The following NCAPG variants were observed in gnomAD, a reference collection of about 807,000 sequenced individuals.
NCAPG encodes condensin complex subunit 3.
NCAPG carries 69 observed loss-of-function variants against 113.1 expected under a neutral mutation model. The ratio of observed to expected loss-of-function variants is 0.61; its 90% CI spans 0.50 to 0.75. The LOEUF (loss-of-function observed/expected upper bound fraction) is 0.75. Ranked by LOEUF, NCAPG falls within the 30% of genes least tolerant of loss-of-function variation. The pLI, the probability that NCAPG is intolerant of heterozygous loss-of-function variation, is 0.00. For synonymous variants in NCAPG, 370 were observed against 415.8 expected (o/e 0.89, Z 1.34); for missense variants, 1,058 against 1,177.0 (o/e 0.90, Z 1.48).
At chr4:17,833,516 A>G (rs572131080) in intron 13 of NCAPG, among the ~76,000 whole-genome samples, 90 of 148,558 alleles carry the variant, frequency 6.1e-4, no homozygotes, top group African/African-American at 2.2e-3. Flanking sequence ...GTTGTTATAT[A>G]TATCTTATTT....
At position 17,823,028 on chromosome 4, in the gene NCAPG, T is replaced by C. The variant is rs1173234084; in HGVS notation, c.1164T>C (p.Asp388=). 6.2e-7 allele frequency: 1 copy of C among 1,608,534 alleles called. No homozygotes were observed. Among genetic ancestry groups the C allele is most frequent in the Non-Finnish European group, 8.5e-7 (1 of 1,177,802 alleles). ...TTGTTAATGAAGAACACAGAGGTGA[T>C]TTTTCCTATATTGGAAATTTGATGA... The part of the protein sequence containing the change: ...IPVVNEEHRG[D]FSYIGNLMTK... Residue 388 remains aspartate, a synonymous_variant, in exon 8 of 21, where the codon GAT becomes GAC. Transcript: ENST00000251496.
At chr4:17,825,094 A>G (rs1416668271) in intron 10 of NCAPG, 37 bp downstream of exon 10, 1 of 1,478,518 alleles carries the variant, frequency 6.8e-7, no homozygotes, top group Non-Finnish European at 9.4e-7. Flanking sequence ...GCTTGAGTGT[A>G]ATGTAGCTGG....
At chr4:17,842,174 GCT>G (rs1722473790) in intron 19 of NCAPG, 134 bp from the exon 20 acceptor site, 9 of 648,142 alleles carry the variant, frequency 1.4e-5, no homozygotes, top group Admixed American at 2.8e-5. Context: ...TACCAAGATG[GCT>G]AGAACAAGTA....
At chr4:17,842,633 A>G (rs1722527005) in intron 20 of NCAPG, 1 of 356,288 alleles carries the variant, frequency 2.8e-6, no homozygotes, top group Non-Finnish European at 5.2e-6. Flanking sequence ...ATTTTTAATT[A>G]CATGATGTGA....
intron 12 of NCAPG, among the ~76,000 whole-genome samples, 165 bp downstream of exon 12, chr4:17,828,553 T>A (rs1217107058): frequency 6.6e-6 from 1 of 152,106 alleles, no homozygotes; most frequent in Non-Finnish European, 1.5e-5. Context: ...ATTGTGAGGA[T>A]TAAATAAGAT....
chr4:17,842,711 C>CTGAT (rs1722535018), intron 20 of NCAPG: 2 of 222,620 alleles, frequency 9.0e-6, no homozygotes, highest in Admixed American at 1.0e-4. Context: ...CACTTACATA[C>CTGAT]TGATAGAATA....
intron 11 of NCAPG, among the ~76,000 whole-genome samples, chr4:17,827,115 C>G (rs1232444644): frequency 3.9e-5 from 6 of 152,192 alleles, no homozygotes; most frequent in Non-Finnish European, 7.3e-5. Flanking sequence ...ACAGATGGAG[C>G]AACATCTGTG....
rs1352698030 is a variant in NCAPG at position 17,840,844 on chromosome 4, T to C, written c.2854+151T>C. The C allele has an allele frequency of 3.5e-5, 15 of 429,346 alleles. No individual in the cohort carries two copies. In the East Asian group the frequency reaches 5.5e-4, roughly 16 times the overall value. The allele number at this position is 429,346 out of a possible 1,614,324, so 26.6% of individuals were successfully genotyped here. A position where few individuals can be genotyped will look rare whatever the true frequency, so the allele number is the denominator to read the frequency against. ...TTGGTATCCTTTCTTTTTAATTCTTTCTGTGGATGTCAGTTTTTGCCTTGT... is the reference window on the plus strand; with the variant it reads ...TTGGTATCCTTTCTTTTTAATTCTTCCTGTGGATGTCAGTTTTTGCCTTGT... On this transcript the variant is annotated intron_variant, in intron 19 of 20. Coordinates refer to ENST00000251496, the MANE Select transcript of NCAPG (RefSeq NM_022346.5).
intron 12 of NCAPG, among the ~76,000 whole-genome samples, chr4:17,829,871 A>AAT (rs1274909503): frequency 6.6e-6 from 1 of 152,258 alleles, no homozygotes; most frequent in East Asian, 1.9e-4. Context: ...TTAAGTAAAG[A>AAT]AATAAGTGAA....
At chr4:17,814,134 T>C (rs1360648258) in intron 3 of NCAPG, among the ~76,000 whole-genome samples, 1 of 152,198 alleles carries the variant, frequency 6.6e-6, no homozygotes, top group Non-Finnish European at 1.5e-5. Flanking sequence ...AATGGGCCCT[T>C]ATAAAGCCAT....
chr4:17,837,131 T>G (rs748304610), intron 14 of NCAPG, 28 bp from the exon 15 acceptor site: 1 of 1,601,974 alleles, frequency 6.2e-7, no homozygotes, highest in Non-Finnish European at 8.5e-7. Flanking sequence ...ACAAATAAAT[T>G]TCTTCTAATG....
At position 17,812,904 on chromosome 4, in the gene NCAPG, G is replaced by A; in HGVS notation, c.316-13G>A. ...TGTGACTATGAATAAATTTTGATTT[G>A]TTTCTGTTTTAGTCTCATGAAGCAA... On this transcript the variant is annotated splice_polypyrimidine_tract_variant and intron_variant, in intron 2 of 20. Coordinates refer to ENST00000251496, the MANE Select transcript of NCAPG (RefSeq NM_022346.5). 1 of 1,606,404 alleles carries A rather than the reference G, an allele frequency of 6.2e-7. No homozygotes were observed. Among genetic ancestry groups the A allele is most frequent in the Non-Finnish European group, 8.5e-7 (1 of 1,173,646 alleles).
At chr4:17,837,950 G>A in intron 16 of NCAPG, 149 bp downstream of exon 16, 1 of 799,440 alleles carries the variant, frequency 1.3e-6, no homozygotes, top group Non-Finnish European at 2.0e-6. Context: ...CATGACCTTG[G>A]GAAATGTGGA....
intron 11 of NCAPG, among the ~76,000 whole-genome samples, chr4:17,827,573 A>G (rs1169943402): frequency 6.6e-6 from 1 of 152,148 alleles, no homozygotes; most frequent in Non-Finnish European, 1.5e-5. Flanking sequence ...GTAGATGGTG[A>G]TGACAGTATG....
At position 17,811,006 on chromosome 4, in the gene NCAPG, G is replaced by C. The variant is rs1034096074; in HGVS notation, c.-72G>C. 2.9e-5 allele frequency: 26 copies of C among 883,132 alleles called. No homozygotes were observed. The highest frequency in any genetic ancestry group is 4.0e-5 in the Non-Finnish European group (24 of 601,390). The allele number at this position is 883,132 out of a possible 1,614,324, so 54.7% of individuals were successfully genotyped here. A position where few individuals can be genotyped will look rare whatever the true frequency, so the allele number is the denominator to read the frequency against. On this transcript the variant is annotated 5_prime_UTR_variant, in exon 1 of 21. Transcript: ENST00000251496. The surrounding 1 kb of genome is among the most constrained non-coding windows in gnomAD (Gnocchi z 5.3). The stretch of plus-strand genomic sequence containing the variant: ...CATAGAAGACTACTCGGAGAGCGCT[G>C]CCTCTGGGTTGGCGGGCTGGCAGGC...
chr4:17,815,900 T>G (rs981101067), intron 5 of NCAPG, among the ~76,000 whole-genome samples: 2 of 152,116 alleles, frequency 1.3e-5, no homozygotes, highest in Non-Finnish European at 2.9e-5. Context: ...AAACAATACT[T>G]AAGTCTGTAG....
intron 6 of NCAPG, among the ~76,000 whole-genome samples, chr4:17,817,691 A>T (rs966343105): frequency 9.9e-5 from 15 of 151,916 alleles, no homozygotes; most frequent in African/African-American, 3.4e-4. Context: ...TCAGTTTCTT[A>T]CTTTGATTTT....
chr4:17,843,024 A>T (rs1163140243), intron 20 of NCAPG: 1 of 221,992 alleles, frequency 4.5e-6, no homozygotes, highest in Non-Finnish European at 9.0e-6. Flanking sequence ...TCGTTTAATT[A>T]CAAGCTTCAT....
At position 17,840,123 on chromosome 4, in the gene NCAPG, T is replaced by C; in HGVS notation, c.2681T>C (p.Leu894Ser). 3 of 1,612,082 alleles carry C rather than the reference T, an allele frequency of 1.9e-6. No individual in the cohort carries two copies. Among genetic ancestry groups the C allele is most frequent in the Non-Finnish European group, 2.5e-6 (3 of 1,179,088 alleles). The change falls in exon 18 of 21, where the codon TTA (leucine) becomes TCA (serine). Residue 894 changes from leucine (L) to serine (S), a missense_variant. By Grantham distance (145) the Leu-to-Ser change is moderately radical. Coordinates refer to ENST00000251496, the MANE Select transcript of NCAPG (RefSeq NM_022346.5). ...GCTTTGGAGAAAATCAAGATTCAGT[T>C]AGAAAAAGGAAATAAAGAATTTGGT... ...LRALEKIKIQ[L>S]EKGNKEFGDQ...
Sources: gnomAD v4.1 joint callset for allele counts (sites outside exome capture counted in the v4.1 genomes callset) on GRCh38, gnomAD v4.1.1 for gene constraint, Gnocchi (gnomAD v3.1) non-coding constraint, MANE v1.5 for transcripts, NCBI Gene and HGNC (gene_info 2026-07-23, HGNC 2026-07-21) for gene names.